SANBR: variants seen among roughly 807,000 people sequenced by gnomAD.
SANBR encodes the protein SANT and BTB domain regulator of class switch recombination.
Under a neutral mutation model 101.8 loss-of-function variants are expected in SANBR, and 77 were observed. That is an observed-to-expected ratio of 0.76 (90% CI 0.63 to 0.91). The LOEUF (loss-of-function observed/expected upper bound fraction) is 0.91. Among genes scored for constraint, SANBR ranks in the 40% least tolerant of loss-of-function variants. SANBR has a pLI of 0.00. For missense variants in SANBR, 875 were observed against 853.0 expected, an observed-to-expected ratio of 1.03 and a Z score of -0.32; for synonymous variants, 279 against 274.7, an observed-to-expected ratio of 1.02 and a Z score of -0.15.
intron 16 of SANBR, among the ~76,000 whole-genome samples, chr2:61,111,242 A>T (rs1263243280): frequency 6.6e-6 from 1 of 152,046 alleles, no homozygotes; most frequent in African/African-American, 2.4e-5. Context: ...AAATACAAAA[A>T]ATTAGCCAGG....
At chr2:61,118,566 GTTTTTTTTTT>G (rs1175530888) in intron 20 of SANBR, among the ~76,000 whole-genome samples, 1 of 99,544 alleles carries the variant, frequency 1.0e-5, no homozygotes, top group Non-Finnish European at 2.0e-5. Context: ...TTTTTTGTTG[GTTTTTTTTTT>G]TTTTTTTTTT....
At chr2:61,108,419 T>A in intron 15 of SANBR, 70 bp downstream of exon 15, 1 of 997,916 alleles carries the variant, frequency 1.0e-6, no homozygotes, top group Non-Finnish European at 1.5e-6. Context: ...TTTAATAGAA[T>A]CTTATCAGTA....
In SANBR at chr2:61,118,120, A is replaced by G; in HGVS notation, c.2028+4A>G. 6.2e-7 allele frequency: 1 copy of G among 1,601,854 alleles called. No homozygotes were observed. Among genetic ancestry groups the G allele is most frequent in the African/African-American group, 1.3e-5 (1 of 74,748 alleles). On this transcript the variant is annotated splice_donor_region_variant and intron_variant, in intron 20 of 21. Coordinates refer to ENST00000402291, the MANE Select transcript of SANBR (RefSeq NM_001129993.3). ...CAAGTCAAAGGAAGCAAAAGAAGTA[A>G]GAATTGTGTACTAGTGTATTGTACT...
At chr2:61,137,341 G>A (rs1573692698) in intron 21 of SANBR, 1 of 152,234 alleles carries the variant, frequency 6.6e-6, no homozygotes, top group African/African-American at 2.4e-5. Flanking sequence ...ATATTTTTAA[G>A]TTGGCAAAAC....
At chr2:61,066,734 G>GA (rs1411733462) in intron 1 of SANBR, among the ~76,000 whole-genome samples, 1 of 151,984 alleles carries the variant, frequency 6.6e-6, no homozygotes, top group Non-Finnish European at 1.5e-5. Flanking sequence ...TTTGAAATAA[G>GA]AAAAAAATAT....
chr2:61,081,432 TA>T lies in SANBR; in HGVS notation c.671-18del. On this transcript the variant is annotated intron_variant, in intron 6 of 21. Coordinates refer to ENST00000402291, the MANE Select transcript of SANBR (RefSeq NM_001129993.3). ...TGGGGTACCCATCAAAAGGGTAATC[TA>T]ATTTTTTTTTTTTTTTAGAGCCAGG... is the stretch of plus-strand genomic sequence containing the variant. The T allele has an allele frequency of 5.1e-6, 8 of 1,570,914 alleles. No homozygotes were observed. In the Admixed American group the frequency reaches 5.9e-5, roughly 11 times the overall value.
intron 20 of SANBR, among the ~76,000 whole-genome samples, chr2:61,130,344 GA>G (rs1160942610): frequency 6.6e-6 from 1 of 152,102 alleles, no homozygotes. Flanking sequence ...ACAAACTACT[GA>G]AACTGACTCA....
intron 5 of SANBR, 68 bp downstream of exon 5, chr2:61,073,619 T>C: frequency 2.3e-6 from 2 of 887,056 alleles, no homozygotes; most frequent in Non-Finnish European, 3.5e-6. Context: ...ATATGATTGG[T>C]GGTTACCATA....
intron 16 of SANBR, among the ~76,000 whole-genome samples, chr2:61,114,551 A>G (rs1222550384): frequency 6.6e-6 from 1 of 152,166 alleles, no homozygotes; most frequent in Non-Finnish European, 1.5e-5. Flanking sequence ...AAGAAAGTTT[A>G]TTTTACAGTT....
chr2:61,115,609 G>C (rs1450137382), intron 16 of SANBR, among the ~76,000 whole-genome samples: 1 of 152,028 alleles, frequency 6.6e-6, no homozygotes, highest in African/African-American at 2.4e-5. Flanking sequence ...ACCACTTATA[G>C]CTAGAGATTT....
intron 16 of SANBR, chr2:61,115,756 A>T (rs1432375754): frequency 6.1e-6 from 2 of 326,700 alleles, no homozygotes; most frequent in African/African-American, 4.3e-5. Flanking sequence ...TGTCTCAAAA[A>T]AAAAGAAAAA....
At chr2:61,071,500 A>G (rs1681466724) in intron 3 of SANBR, 106 bp from the exon 4 acceptor site, 1 of 598,722 alleles carries the variant, frequency 1.7e-6, no homozygotes, top group African/African-American at 2.0e-5. Flanking sequence ...CAGTGAGCCA[A>G]GATCACACCA....
intron 11 of SANBR, among the ~76,000 whole-genome samples, chr2:61,094,555 A>G (rs1269614963): frequency 1.3e-5 from 2 of 151,818 alleles, no homozygotes; most frequent in Non-Finnish European, 2.9e-5. Flanking sequence ...GTGTGGAGCC[A>G]TTATGAAGAA....
At chr2:61,129,171 C>T (rs191701338), downstream of SANBR, among the ~76,000 whole-genome samples, 303 of 152,152 alleles carry the variant, frequency 2.0e-3, 1 homozygote, top group Non-Finnish European at 3.0e-3. Context: ...CATCCGGGCA[C>T]GGTGGCTCAC....
intron 8 of SANBR, 77 bp downstream of exon 8, chr2:61,083,391 TTC>T: frequency 5.2e-6 from 5 of 957,354 alleles, no homozygotes; most frequent in Non-Finnish European, 7.8e-6. Flanking sequence ...GAGTGAAATA[TTC>T]TTTCTTTTTT....
intron 15 of SANBR, 49 bp downstream of exon 15, chr2:61,108,398 T>TTAAAC: frequency 1.5e-6 from 2 of 1,294,502 alleles, no homozygotes; most frequent in Non-Finnish European, 2.2e-6. Context: ...TCTTCCTAAA[T>TTAAAC]TAAAGTTTAG....
chr2:61,125,224 C>T (rs1175738355), downstream of SANBR, among the ~76,000 whole-genome samples: 1 of 152,162 alleles, frequency 6.6e-6, no homozygotes, highest in Non-Finnish European at 1.5e-5. Context: ...CTATAGTAAG[C>T]CCTCCATAAA....
At chr2:61,117,285 T>A in intron 17 of SANBR, 72 bp from the exon 18 acceptor site, 1 of 1,379,478 alleles carries the variant, frequency 7.2e-7, no homozygotes, top group Non-Finnish European at 1.0e-6. Context: ...GTGAACTCTT[T>A]TTATTACTAA....
intron 1 of SANBR, among the ~76,000 whole-genome samples, chr2:61,068,096 A>C (rs1206476972): frequency 6.6e-6 from 1 of 152,220 alleles, no homozygotes; most frequent in Non-Finnish European, 1.5e-5. Context: ...GGAATCAAAG[A>C]TAGAAGGCCC....
Sources: allele counts gnomAD v4.1 joint callset (sites outside exome capture counted in the v4.1 genomes callset), GRCh38; gene constraint gnomAD v4.1.1; transcripts MANE v1.5; gene names NCBI Gene and HGNC (gene_info 2026-07-23, HGNC 2026-07-21).